GABRA2: variants seen among roughly 807,000 people sequenced by gnomAD.
GABRA2 encodes gamma-aminobutyric acid type A receptor subunit alpha2.
A neutral mutation model predicts 48.7 loss-of-function variants in GABRA2; 16 were observed. The observed-to-expected ratio is 0.33, with a 90% CI of 0.22 to 0.50. The LOEUF is 0.50. Among genes scored for constraint, GABRA2 ranks in the 20% least tolerant of loss-of-function variants. The probability of loss-of-function intolerance (pLI) is 0.98; values close to 1 mark genes in which losing one functional copy is unlikely to be tolerated. For synonymous variants in GABRA2, 185 were observed against 184.5 expected, an observed-to-expected ratio of 1.00 and a Z score of -0.02; for missense variants, 275 against 535.6, an observed-to-expected ratio of 0.51 and a Z score of 4.80.
At chr4:46,358,595 A>G (rs1418564033) in intron 3 of GABRA2, among the ~76,000 whole-genome samples, 1 of 152,172 alleles carries the variant, frequency 6.6e-6, no homozygotes, top group Admixed American at 6.6e-5. Flanking sequence ...CATTATTTTA[A>G]GTGCATGCAT....
At chr4:46,382,059 A>G (rs1288369975) in intron 3 of GABRA2, among the ~76,000 whole-genome samples, 1 of 152,122 alleles carries the variant, frequency 6.6e-6, no homozygotes, top group Non-Finnish European at 1.5e-5. Flanking sequence ...GGATAGATAT[A>G]TCAGTGAATC....
At chr4:46,289,921 T>A (rs1160768872) in intron 8 of GABRA2, among the ~76,000 whole-genome samples, 5 of 146,970 alleles carry the variant, frequency 3.4e-5, no homozygotes, top group Non-Finnish European at 6.0e-5. Flanking sequence ...TTATTTTTTT[T>A]TTTTTTTTGA....
At chr4:46,348,067 CAA>C (rs1353210739) in intron 3 of GABRA2, among the ~76,000 whole-genome samples, 1 of 151,838 alleles carries the variant, frequency 6.6e-6, no homozygotes. Flanking sequence ...TGAACCCAAA[CAA>C]ATTTACAAGA....
chr4:46,385,980 C>T, intron 3 of GABRA2, 94 bp downstream of exon 3: 1 of 692,772 alleles, frequency 1.4e-6, no homozygotes, highest in Non-Finnish European at 2.5e-6. Context: ...CACAGTGATG[C>T]ATTCATATAT....
At chr4:46,347,867 C>T (rs1253130700) in intron 3 of GABRA2, among the ~76,000 whole-genome samples, 5 of 151,894 alleles carry the variant, frequency 3.3e-5, no homozygotes, top group Non-Finnish European at 5.9e-5. Flanking sequence ...CTCATATCTA[C>T]ACTATAAAAG....
At chr4:46,259,387 G>A (rs987357798) in intron 9 of GABRA2, among the ~76,000 whole-genome samples, 30 of 151,816 alleles carry the variant, frequency 2.0e-4, no homozygotes, top group African/African-American at 7.2e-4. Flanking sequence ...TAAAAGTAGT[G>A]TAAAATCCTG....
intron 8 of GABRA2, among the ~76,000 whole-genome samples, chr4:46,297,645 T>G (rs1477368940): frequency 6.6e-6 from 1 of 151,404 alleles, no homozygotes; most frequent in East Asian, 1.9e-4. Context: ...TCTCTCTTTT[T>G]CTGAGGTAGT....
intron 8 of GABRA2, among the ~76,000 whole-genome samples, chr4:46,285,985 A>G (rs1722478665): frequency 6.6e-6 from 1 of 152,104 alleles, no homozygotes; most frequent in Non-Finnish European, 1.5e-5. Flanking sequence ...ACATACAATT[A>G]ACTTATAAAA....
chr4:46,360,262 C>A (rs563325048), intron 3 of GABRA2, among the ~76,000 whole-genome samples: 2 of 152,082 alleles, frequency 1.3e-5, no homozygotes, highest in Non-Finnish European at 2.9e-5. Flanking sequence ...GTTTCCTCAC[C>A]GAAATCTCAT....
At chr4:46,277,557 C>T (rs76924035) in intron 8 of GABRA2, among the ~76,000 whole-genome samples, 1 of 152,312 alleles carries the variant, frequency 6.6e-6, no homozygotes, top group East Asian at 1.9e-4. Context: ...CTATCTCCGT[C>T]TAAGGCTGCC....
chr4:46,325,891 G>A (rs13146931), intron 4 of GABRA2, among the ~76,000 whole-genome samples: 1,859 of 151,950 alleles, frequency 0.012, 23 homozygotes, highest in South Asian at 0.035. Flanking sequence ...CTATAAGTGC[G>A]TGGCTTTATT....
At chr4:46,257,734 G>C (rs748542812) in intron 9 of GABRA2, among the ~76,000 whole-genome samples, 22 of 151,490 alleles carry the variant, frequency 1.5e-4, no homozygotes, top group Non-Finnish European at 2.8e-4. Context: ...GTAATGTAGA[G>C]ATAGATAAGA....
intron 8 of GABRA2, among the ~76,000 whole-genome samples, chr4:46,265,192 T>C (rs1717877306): frequency 6.7e-6 from 1 of 149,378 alleles, no homozygotes; most frequent in Non-Finnish European, 1.5e-5. Context: ...CACGCTACCA[T>C]GCCCAACTAG....
At position 46,256,295 on chromosome 4, in the gene GABRA2, C is replaced by A. The variant is rs1430055597; in HGVS notation, c.1059+5631G>T. ...CCATGAGAAAGCTATATACTTGGAC[C>A]ATATTAGCTTAGCTCCTTGAAGAAT... On this transcript the variant is annotated intron_variant, in intron 9 of 9. Coordinates refer to ENST00000381620, the MANE Select transcript of GABRA2 (RefSeq NM_000807.4). 1 of 695,330 alleles carries A rather than the reference C, an allele frequency of 1.4e-6. No individual in the cohort carries two copies. Among genetic ancestry groups the A allele is most frequent in the African/African-American group, 1.8e-5 (1 of 56,656 alleles). 43.1% of individuals were successfully genotyped at this position (695,330 alleles called of 1,614,324 possible).
chr4:46,253,268 T>C (rs1264867835), intron 9 of GABRA2, among the ~76,000 whole-genome samples: 1 of 151,362 alleles, frequency 6.6e-6, no homozygotes, highest in Non-Finnish European at 1.5e-5. Context: ...CAGTTGCACA[T>C]ATATGCTCAG....
intron 3 of GABRA2, among the ~76,000 whole-genome samples, chr4:46,362,034 G>A (rs1713283248): frequency 6.6e-6 from 1 of 152,208 alleles, no homozygotes; most frequent in Non-Finnish European, 1.5e-5. Context: ...GACTTAGCAT[G>A]TCTCGGATGA....
rs1577800542 is a variant in GABRA2, at chr4:46,262,118, A to G, written c.867T>C (p.Thr289=). The part of the protein sequence containing the change: ...VPARTVFGVT[T]VLTMTTLSIS... ...TGCTTAGAGTTGTCATTGTTAGGAC[A>G]GTTGTTACTCCTGCAAAAGAAAAGA... Residue 289 remains threonine (T), a synonymous_variant, in exon 9 of 10, where the codon ACT becomes ACC. Transcript: ENST00000381620. The G allele has an allele frequency of 1.2e-6, 2 of 1,613,646 alleles. No individual in the cohort carries two copies. The highest frequency in any genetic ancestry group is 2.7e-5 in the African/African-American group (2 of 75,026).
In GABRA2 at chr4:46,305,642, G is replaced by A. The variant is rs757869616; in HGVS notation, c.629C>T (p.Pro210Leu). 5 of 1,613,694 alleles carry A rather than the reference G, an allele frequency of 3.1e-6. No homozygotes were observed. Among genetic ancestry groups the A allele is most frequent in the Non-Finnish European group, 3.4e-6 (4 of 1,179,642 alleles). The change falls in exon 7 of 10, where the codon CCT becomes CTT. Residue 210 changes from proline (P) to leucine (L), a missense_variant. Physicochemically the swap from Pro to Leu is moderately conservative, Grantham distance 98 (BLOSUM62 -3). Transcript: ENST00000381620. ...ATATTGATTTAACCTAGAGCCATCA[G>A]GAGCAACCTGTACTGAATCAGATGC... ...YNASDSVQVA[P>L]DGSRLNQYDL...
chr4:46,257,404 T>C (rs1374270240), intron 9 of GABRA2, among the ~76,000 whole-genome samples: 1 of 151,560 alleles, frequency 6.6e-6, no homozygotes, highest in African/African-American at 2.4e-5. Context: ...TTGTGGCTAG[T>C]AATGGTTAGA....
Sources: allele counts gnomAD v4.1 joint callset (sites outside exome capture counted in the v4.1 genomes callset), GRCh38; gene constraint gnomAD v4.1.1; transcripts MANE v1.5; gene names NCBI Gene and HGNC (gene_info 2026-07-23, HGNC 2026-07-21).